TRDN: variants seen among roughly 807,000 people sequenced by gnomAD.
TRDN encodes the protein triadin, also known as triadin in skeletal muscle.
A neutral mutation model predicts 149.7 loss-of-function variants in TRDN; 161 were observed. The observed-to-expected ratio is 1.08, with a 90% CI of 0.95 to 1.23. The LOEUF (loss-of-function observed/expected upper bound fraction) is 1.23, where lower values mean the gene tolerates loss of function less well. Ranked by LOEUF, TRDN falls within the 50% of genes most tolerant of loss-of-function variation. TRDN has a pLI of 0.00. For synonymous variants in TRDN, 294 were observed against 250.5 expected, an observed-to-expected ratio of 1.17 and a Z score of -1.64; for missense variants, 896 against 823.5, an observed-to-expected ratio of 1.09 and a Z score of -1.08.
chr6:123,231,366 T>C lies in TRDN; in HGVS notation c.1976-7235A>G, dbSNP rs114449409. ...TTACGTAGATCAAAGAAGTTTTTTA[T>C]GGACACTCTTCCACTGGTGATGGAC... On this transcript the variant is annotated intron_variant, in intron 38 of 40. Transcript: ENST00000334268. Among the ~76,000 whole-genome samples, 444 of 152,182 alleles carry C rather than the reference T, an allele frequency of 2.9e-3. 5 individuals carry two copies. Among genetic ancestry groups the C allele is most frequent in the African/African-American group, 0.01 (431 of 41,564 alleles).
At chr6:123,613,863 A>G (rs1437544928) in intron 1 of TRDN, among the ~76,000 whole-genome samples, 1 of 152,168 alleles carries the variant, frequency 6.6e-6, no homozygotes, top group Non-Finnish European at 1.5e-5. Flanking sequence ...TCCTTCTTAA[A>G]AAGGCTCATA....
At chr6:123,471,784 C>T (rs1777166287) in intron 9 of TRDN, 1 of 151,984 alleles carries the variant, frequency 6.6e-6, no homozygotes, top group African/African-American at 2.4e-5. Flanking sequence ...TCTTTCTCAC[C>T]TCCAATTTAT....
intron 21 of TRDN, chr6:123,351,143 C>A: frequency 2.0e-6 from 2 of 984,594 alleles, no homozygotes; most frequent in Non-Finnish European, 1.2e-6. Flanking sequence ...AGGGGGAAAG[C>A]TATAAAACTC....
intron 10 of TRDN, 154 bp downstream of exon 10, chr6:123,464,752 T>G: frequency 7.1e-7 from 1 of 1,403,538 alleles, no homozygotes; most frequent in East Asian, 2.5e-5. Flanking sequence ...AGAAGCAAAT[T>G]GCAATTTTAG....
At position 123,299,871 on chromosome 6, in the gene TRDN, T is replaced by C. The variant is rs575531758; in HGVS notation, c.1510+16586A>G. The stretch of plus-strand genomic sequence containing the variant: ...AGGTTCAAATAATGAAAAACTAATA[T>C]ATTTTAGAATAGCAAAGAAGATATA... On this transcript the variant is annotated intron_variant, in intron 24 of 40. Coordinates refer to ENST00000334268, the MANE Select transcript of TRDN (RefSeq NM_006073.4). 2.6e-5 allele frequency among the ~76,000 whole-genome samples: 4 copies of C among 152,030 alleles called. 1 individual carries two copies. Among genetic ancestry groups the C allele is most frequent in the Non-Finnish European group, 5.9e-5 (4 of 67,952 alleles).
At chr6:123,449,569 A>G (rs1372346865) in intron 10 of TRDN, among the ~76,000 whole-genome samples, 1 of 152,164 alleles carries the variant, frequency 6.6e-6, no homozygotes, top group East Asian at 1.9e-4. Context: ...GTCTGGGATT[A>G]TGTTAAATGA....
At chr6:123,585,402 G>C (rs1783415621) in intron 1 of TRDN, among the ~76,000 whole-genome samples, 1 of 152,068 alleles carries the variant, frequency 6.6e-6, no homozygotes, top group African/African-American at 2.4e-5. Flanking sequence ...TGGAGGCAAG[G>C]GAAACAGGCC....
intron 21 of TRDN, among the ~76,000 whole-genome samples, chr6:123,337,873 T>A (rs925525655): frequency 6.6e-6 from 1 of 152,174 alleles, no homozygotes; most frequent in Admixed American, 6.6e-5. Flanking sequence ...CATGAATTTC[T>A]ATCACTAGTA....
chr6:123,508,709 C>A (rs377702908), intron 7 of TRDN, among the ~76,000 whole-genome samples: 1 of 152,090 alleles, frequency 6.6e-6, no homozygotes, highest in African/African-American at 2.4e-5. Flanking sequence ...AGGAGGAATC[C>A]CTGAAGTGTT....
chr6:123,347,635 GTTGA>G (rs1562272057), intron 21 of TRDN, among the ~76,000 whole-genome samples: 1 of 151,934 alleles, frequency 6.6e-6, no homozygotes, highest in Non-Finnish European at 1.5e-5. Context: ...GGACTTTCCT[GTTGA>G]TTGATTGTAC....
intron 14 of TRDN, among the ~76,000 whole-genome samples, chr6:123,386,010 T>C (rs1437856076): frequency 6.6e-6 from 1 of 152,194 alleles, no homozygotes; most frequent in African/African-American, 2.4e-5. Context: ...CTGGGTATTA[T>C]ATTTATCTTG....
chr6:123,624,137 A>C (rs1475227792), intron 1 of TRDN, among the ~76,000 whole-genome samples: 2 of 152,102 alleles, frequency 1.3e-5, no homozygotes, highest in Non-Finnish European at 2.9e-5. Context: ...TATACAAGTG[A>C]TGTTTGTTAG....
intron 5 of TRDN, among the ~76,000 whole-genome samples, chr6:123,525,940 T>C (rs1291066701): frequency 6.6e-6 from 1 of 152,054 alleles, no homozygotes; most frequent in African/African-American, 2.4e-5. Context: ...AATCTGCGAA[T>C]GTTACATATA....
intron 1 of TRDN, among the ~76,000 whole-genome samples, chr6:123,632,061 GT>G (rs1385094602): frequency 6.6e-6 from 1 of 151,960 alleles, no homozygotes; most frequent in Non-Finnish European, 1.5e-5. Flanking sequence ...AAGGTTGTTT[GT>G]TTGAATCATG....
chr6:123,464,009 T>G (rs6909484), intron 10 of TRDN, among the ~76,000 whole-genome samples: 25,660 of 152,052 alleles, frequency 0.17, 2,336 homozygotes, highest in South Asian at 0.29. Context: ...CTGAGCTAGG[T>G]GTTTCTACCC....
At chr6:123,502,968 C>T (rs1778762570) in intron 8 of TRDN, 4 of 985,218 alleles carry the variant, frequency 4.1e-6, no homozygotes, top group Non-Finnish European at 4.8e-6. Flanking sequence ...CTTAGTTGCC[C>T]TCCTAAACCT....
intron 24 of TRDN, among the ~76,000 whole-genome samples, chr6:123,298,242 T>C (rs1353650156): frequency 6.6e-6 from 1 of 152,070 alleles, no homozygotes; most frequent in Non-Finnish European, 1.5e-5. Context: ...TCCTGTTGAT[T>C]CTATTTTGTA....
intron 2 of TRDN, among the ~76,000 whole-genome samples, chr6:123,563,383 C>T (rs1412571371): frequency 1.3e-5 from 2 of 152,028 alleles, no homozygotes; most frequent in African/African-American, 2.4e-5. Flanking sequence ...TTCTTTTATC[C>T]CTGTCAAGTA....
At chr6:123,487,879 T>C (rs1261461744) in intron 9 of TRDN, among the ~76,000 whole-genome samples, 1 of 152,134 alleles carries the variant, frequency 6.6e-6, no homozygotes, top group Non-Finnish European at 1.5e-5. Context: ...TCCATCTTTT[T>C]TGACAGCAGG....
Sources: gnomAD v4.1 joint callset for allele counts (sites outside exome capture counted in the v4.1 genomes callset) on GRCh38, gnomAD v4.1.1 for gene constraint, MANE v1.5 for transcripts, NCBI Gene and HGNC (gene_info 2026-07-23, HGNC 2026-07-21) for gene names.